Variants in CHST11 observed in about 807,000 individuals in gnomAD.
CHST11 encodes the protein carbohydrate sulfotransferase 11.
In CHST11, 9 loss-of-function variants were observed where a neutral mutation model predicts 30.4. That is an observed-to-expected ratio of 0.30 (90% CI 0.18 to 0.52). The LOEUF is 0.52. Ranked by LOEUF, CHST11 falls within the 20% of genes least tolerant of loss-of-function variation. CHST11 has a pLI of 0.97. For missense variants in CHST11, 348 were observed against 460.6 expected (o/e 0.76, Z 2.24); for synonymous variants, 152 against 187.8 (o/e 0.81, Z 1.56).
chr12:104,514,757 C>G (rs779848211), intron 1 of CHST11, among the ~76,000 whole-genome samples: 1 of 152,128 alleles, frequency 6.6e-6, no homozygotes, highest in Non-Finnish European at 1.5e-5. Flanking sequence ...ACTAACAGAG[C>G]GACAAGTCAC....
At chr12:104,483,549 A>T (rs556444333) in intron 1 of CHST11, among the ~76,000 whole-genome samples, 1 of 152,278 alleles carries the variant, frequency 6.6e-6, no homozygotes, top group South Asian at 2.1e-4. Context: ...CCATTTGTCC[A>T]TGCAGCAATC....
intron 2 of CHST11, among the ~76,000 whole-genome samples, chr12:104,645,347 C>T (rs1259835570): frequency 6.6e-6 from 1 of 152,232 alleles, no homozygotes; most frequent in Non-Finnish European, 1.5e-5. Flanking sequence ...CTGTGATTCT[C>T]ATCCCCACCA....
At chr12:104,475,688 A>ATATATATATATTTATT (rs1555226434) in intron 1 of CHST11, among the ~76,000 whole-genome samples, 30 of 78,466 alleles carry the variant, frequency 3.8e-4, no homozygotes, top group Non-Finnish European at 4.9e-4. Context: ...ATATATATAT[A>ATATATATATATTTATT]TATTTCTGAT....
intron 1 of CHST11, among the ~76,000 whole-genome samples, chr12:104,541,086 C>T (rs907367908): frequency 6.6e-6 from 1 of 151,420 alleles, no homozygotes; most frequent in African/African-American, 2.4e-5. Context: ...GAACATGACT[C>T]GTATGTTTGT....
intron 1 of CHST11, among the ~76,000 whole-genome samples, chr12:104,544,144 AAGAAAGAAAGAAAGAAAG>A (rs374414186): frequency 2.2e-4 from 7 of 31,568 alleles, no homozygotes; most frequent in Admixed American, 4.2e-4. Flanking sequence ...AAAAAAAAGA[AAGAAAGAAAGAAAGAAAG>A]AAAGAAAGAA....
At chr12:104,496,683 A>G (rs778573551) in intron 1 of CHST11, among the ~76,000 whole-genome samples, 1 of 152,178 alleles carries the variant, frequency 6.6e-6, no homozygotes, top group Non-Finnish European at 1.5e-5. Flanking sequence ...TGGTGCTATG[A>G]AATGAAGTCT....
chr12:104,476,236 C>A (rs10861222), intron 1 of CHST11, among the ~76,000 whole-genome samples: 19,435 of 143,642 alleles, frequency 0.14, 1,434 homozygotes, highest in South Asian at 0.2. Context: ...TATGTAATAG[C>A]ATATGTTACA....
intron 1 of CHST11, among the ~76,000 whole-genome samples, chr12:104,553,965 C>T (rs1284129161): frequency 6.6e-6 from 1 of 152,126 alleles, no homozygotes; most frequent in African/African-American, 2.4e-5. Context: ...GAAGGCTTGA[C>T]TGGGGAAGGA....
At chr12:104,596,946 G>A (rs534491785) in intron 1 of CHST11, among the ~76,000 whole-genome samples, 2 of 152,280 alleles carry the variant, frequency 1.3e-5, no homozygotes, top group East Asian at 3.9e-4. Context: ...TAGGACATGC[G>A]TGAGAGGCAA....
intron 2 of CHST11, among the ~76,000 whole-genome samples, chr12:104,619,347 T>C (rs994396149): frequency 6.6e-6 from 1 of 152,234 alleles, no homozygotes; most frequent in Non-Finnish European, 1.5e-5. Flanking sequence ...GAAGGACTTC[T>C]GTGGGCTTGG....
At position 104,458,372 on chromosome 12, in the gene CHST11, G is replaced by A. The variant is rs1291442444; in HGVS notation, c.118+843G>A. Among the ~76,000 whole-genome samples the A allele has an allele frequency of 2.6e-5, 4 of 152,242 alleles. No individual in the cohort carries two copies. The highest frequency in any genetic ancestry group is 5.9e-5 in the Non-Finnish European group (4 of 68,038). ...GATCCGAGCAACGGGAATCCCCCGG[G>A]CGGCGTGGGAATGAACCCCATTCCT... On this transcript the variant is annotated intron_variant, in intron 1 of 2. Transcript: ENST00000303694. The surrounding 1 kb of genome is among the most constrained non-coding windows in gnomAD (Gnocchi z 5.7).
chr12:104,524,039 CTT>C (rs10594720), intron 1 of CHST11, among the ~76,000 whole-genome samples: 61,437 of 128,130 alleles, frequency 0.48, 13,426 homozygotes, highest in Admixed American at 0.56. Context: ...TTCTTTCTTT[CTT>C]TTTTTTTTTT....
At chr12:104,702,380 C>T (rs1343542103) in intron 2 of CHST11, among the ~76,000 whole-genome samples, 2 of 152,204 alleles carry the variant, frequency 1.3e-5, no homozygotes, top group African/African-American at 4.8e-5. Context: ...GATATGGAAA[C>T]TGAGGCATAG....
At position 104,614,693 on chromosome 12, in the gene CHST11, T is replaced by TTGTGTGTGTG. The variant is rs3039184; in HGVS notation, c.204+12716_204+12725dup. Among the ~76,000 whole-genome samples, 32 of 148,930 alleles carry TTGTGTGTGTG rather than the reference T, an allele frequency of 2.1e-4. No homozygotes were observed. In the East Asian group the frequency reaches 3.2e-3, roughly 15 times the overall value. On this transcript the variant is annotated intron_variant, in intron 2 of 2. Coordinates refer to ENST00000303694, the MANE Select transcript of CHST11 (RefSeq NM_018413.6). Reference sequence around the variant, plus strand: ...TATGCATGTGTGTGTGCATGCATGCTTGTGTGTGTGTGTGTGTGTGTGTAG... The same window carrying TTGTGTGTGTG: ...TATGCATGTGTGTGTGCATGCATGCTTGTGTGTGTGTGTGTGTGTGTGTGTGTGTGTGTAG...
intron 2 of CHST11, among the ~76,000 whole-genome samples, chr12:104,679,680 A>G (rs77703002): frequency 0.024 from 3,712 of 152,254 alleles, 103 homozygotes; most frequent in Admixed American, 0.06. Context: ...AGCCAGCACT[A>G]TCACCTGCCC....
intron 1 of CHST11, among the ~76,000 whole-genome samples, chr12:104,464,998 G>A (rs1450009143): frequency 6.6e-6 from 1 of 152,090 alleles, no homozygotes; most frequent in Non-Finnish European, 1.5e-5. Context: ...GTGATTGATG[G>A]CATCTCAGCA....
intron 2 of CHST11, among the ~76,000 whole-genome samples, chr12:104,754,375 C>T (rs1283992535): frequency 6.6e-6 from 1 of 152,158 alleles, no homozygotes; most frequent in African/African-American, 2.4e-5. Context: ...TCGGGCAGGT[C>T]TGCTGGTCTC....
At chr12:104,711,607 C>G (rs2040088772) in intron 2 of CHST11, among the ~76,000 whole-genome samples, 1 of 151,872 alleles carries the variant, frequency 6.6e-6, no homozygotes, top group African/African-American at 2.4e-5. Context: ...CTCTTCTCAG[C>G]CATGTGCACT....
rs551477930 is a variant in CHST11, at chr12:104,606,990, C to T, written c.204+4999C>T. 1.1e-4 allele frequency among the ~76,000 whole-genome samples: 16 copies of T among 152,032 alleles called. No homozygotes were observed. The South Asian group carries it at 2.1e-3, about 20-fold the overall frequency. On this transcript the variant is annotated intron_variant, in intron 2 of 2. Coordinates refer to ENST00000303694, the MANE Select transcript of CHST11 (RefSeq NM_018413.6). ...GGCTGAGGCAGGAAAACCTGGGAGG[C>T]GGAGGTTGCAGTGAGCCAAGATCAT... is the stretch of plus-strand genomic sequence containing the variant.
Sources: gnomAD v4.1 joint callset for allele counts (sites outside exome capture counted in the v4.1 genomes callset) on GRCh38, gnomAD v4.1.1 for gene constraint, Gnocchi (gnomAD v3.1) non-coding constraint, MANE v1.5 for transcripts, NCBI Gene and HGNC (gene_info 2026-07-23, HGNC 2026-07-21) for gene names.